The following HMGXB3 variants were observed in gnomAD, a reference collection of about 807,000 sequenced individuals.
HMGXB3 encodes the protein HMG domain-containing protein 3.
Under a neutral mutation model 121.5 loss-of-function variants are expected in HMGXB3, and 45 were observed. That is an observed-to-expected ratio of 0.37 (90% CI 0.29 to 0.47). The LOEUF (loss-of-function observed/expected upper bound fraction) is 0.47, where lower values mean the gene tolerates loss of function less well. Ranked by LOEUF, HMGXB3 falls within the 20% of genes least tolerant of loss-of-function variation. The probability of loss-of-function intolerance (pLI) is 0.99; values close to 1 mark genes in which losing one functional copy is unlikely to be tolerated. For synonymous variants in HMGXB3, 590 were observed against 624.1 expected (o/e 0.95, Z 0.81); for missense variants, 1,376 against 1,602.2 (o/e 0.86, Z 2.41).
Position 150,032,508 on chromosome 5 carries a change from A to G in HMGXB3, c.1888A>G (p.Ser630Gly). 6.4e-7 allele frequency: 1 copy of G among 1,551,914 alleles called. No homozygotes were observed. The highest frequency in any genetic ancestry group is 8.7e-7 in the Non-Finnish European group (1 of 1,147,024). The change falls in exon 11 of 20, where the codon AGC becomes GGC. Residue 630 changes from serine to glycine, a missense_variant. Ser to Gly is a moderately conservative substitution (Grantham distance 56). Transcript: ENST00000502717. ...GRGKCKNPSC[S>G]YVYTNRHKPR... ...GGGAAAGTGCAAGAATCCCTCTTGT[A>G]GCTATGTCTACACCAACAGGCACAA...
chr5:150,041,723 C>T, intron 14 of HMGXB3, 62 bp from the exon 15 acceptor site: 1 of 1,268,020 alleles, frequency 7.9e-7, no homozygotes, highest in Non-Finnish European at 1.1e-6. Context: ...CCCACTGGCT[C>T]ATCCCTAGTG....
intron 7 of HMGXB3, 89 bp downstream of exon 7, chr5:150,024,769 A>T: frequency 9.1e-7 from 1 of 1,099,372 alleles, no homozygotes; most frequent in Non-Finnish European, 1.3e-6. Context: ...TGAGAGAGGC[A>T]GCAGAGACCA....
At position 150,006,706 on chromosome 5, in the gene HMGXB3, A is replaced by G. The variant is rs141071867; in HGVS notation, c.312+59A>G. ...CTGGTTCAGTGATGAAGGCCTTGGG[A>G]AAACCAAGCCCCTTGTTCTGTTTCC... On this transcript the variant is annotated intron_variant, in intron 3 of 19. Transcript: ENST00000502717. 208 of 1,405,604 alleles carry G rather than the reference A, an allele frequency of 1.5e-4. 1 individual carries two copies. The African/African-American group carries it at 2.8e-3, about 19-fold the overall frequency. The allele number at this position is 1,405,604 out of a possible 1,614,324, so 87.1% of individuals were successfully genotyped here. A position where few individuals can be genotyped will look rare whatever the true frequency, so the allele number is the denominator to read the frequency against.
intron 5 of HMGXB3, among the ~76,000 whole-genome samples, chr5:150,016,332 C>T (rs556775852): frequency 1.7e-5 from 2 of 118,798 alleles, no homozygotes; most frequent in East Asian, 2.4e-4. Context: ...CAGAGTGAGA[C>T]TCTGTCTCAA....
chr5:150,044,347 G>A (rs1048210063), intron 15 of HMGXB3, among the ~76,000 whole-genome samples: 15 of 152,202 alleles, frequency 9.9e-5, no homozygotes, highest in African/African-American at 2.7e-4. Flanking sequence ...CTTGCTCCTT[G>A]TGGAGAGGAT....
intron 1 of HMGXB3, among the ~76,000 whole-genome samples, chr5:150,003,124 CAG>C (rs1262992709): frequency 1.3e-5 from 2 of 152,156 alleles, no homozygotes; most frequent in Admixed American, 1.3e-4. Context: ...GCCCAGGGGA[CAG>C]AGTGAGACCT....
intron 18 of HMGXB3, 53 bp downstream of exon 18, chr5:150,048,738 C>T: frequency 2.4e-6 from 3 of 1,268,340 alleles, no homozygotes; most frequent in Non-Finnish European, 3.4e-6. Context: ...GTTGAACTTC[C>T]CATACAGGGA....
At position 150,051,923 on chromosome 5, in the gene HMGXB3, C is replaced by G; in HGVS notation, c.3610C>G (p.Leu1204Val). The change falls in exon 20 of 20, where the codon CTG becomes GTG. Residue 1204 changes from leucine to valine, a missense_variant. By Grantham distance (32) the Leu-to-Val change is conservative. Around this residue, in one of 2 missense-constraint regions of HMGXB3, gnomAD observed 260 missense variants for 233.2 expected, o/e 1.11. Transcript: ENST00000502717. ...CPELAPYATI[L>V]ASIVDSKPNG... Reference sequence around the variant, plus strand: ...TGAATTGGCACCTTACGCAACCATCCTGGCCTCCATCGTGGACAGCAAACC... The same window carrying G: ...TGAATTGGCACCTTACGCAACCATCGTGGCCTCCATCGTGGACAGCAAACC... 1 of 1,552,214 alleles carries G rather than the reference C, an allele frequency of 6.4e-7. No individual in the cohort carries two copies. The highest frequency in any genetic ancestry group is 8.7e-7 in the Non-Finnish European group (1 of 1,147,142).
intron 4 of HMGXB3, 72 bp downstream of exon 4, chr5:150,010,680 G>T: frequency 7.1e-7 from 1 of 1,400,678 alleles, no homozygotes; most frequent in Non-Finnish European, 9.6e-7. Flanking sequence ...ACCATACAGT[G>T]TGATTCCAGA....
At chr5:150,028,807 G>A (rs1251281637) in intron 9 of HMGXB3, among the ~76,000 whole-genome samples, 1 of 151,484 alleles carries the variant, frequency 6.6e-6, no homozygotes, top group African/African-American at 2.4e-5. Context: ...CTGGCCTTAA[G>A]CGATCCTCTT....
rs1413699815 is a variant in HMGXB3, at chr5:150,028,555, ATATATTTTTT to A, written c.1734+1440_1734+1449del. ...TGTGTGTGTGTGTATATATATATAT[ATATATTTTTT>A]TTTTTTTTTTTTTCCTCCAGAAACA... On this transcript the variant is annotated intron_variant, in intron 9 of 19. Coordinates refer to ENST00000502717, the MANE Select transcript of HMGXB3 (RefSeq NM_014983.3). 7.0e-3 allele frequency among the ~76,000 whole-genome samples: 400 copies of A among 57,132 alleles called. 5 individuals carry two copies. Among genetic ancestry groups the A allele is most frequent in the African/African-American group, 0.037 (384 of 10,260 alleles). The allele number at this position is 57,132 out of a possible 152,430, so 37.5% of individuals were successfully genotyped here.
chr5:150,010,501 G>C lies in HMGXB3; in HGVS notation c.703G>C (p.Val235Leu). ...CCACCAACCTTACCAGACAAGCCTGGTAATTGAAGAGACCTTGGTGAATGG... is the reference window on the plus strand; with the variant it reads ...CCACCAACCTTACCAGACAAGCCTGCTAATTGAAGAGACCTTGGTGAATGG... Reference protein sequence around the residue: ...ESHQPYQTSLVIEETLVNGSP... With the variant: ...ESHQPYQTSLLIEETLVNGSP... Residue 235 changes from valine to leucine, a missense_variant, in exon 4 of 20, where the codon GTA (valine) becomes CTA (leucine). This residue lies in a region of HMGXB3 where 1,116 missense variants were observed against 1,369.0 expected (regional missense o/e 0.82). Coordinates refer to ENST00000502717, the MANE Select transcript of HMGXB3 (RefSeq NM_014983.3). 6.4e-7 allele frequency: 1 copy of C among 1,551,682 alleles called. No individual in the cohort carries two copies.
intron 6 of HMGXB3, among the ~76,000 whole-genome samples, chr5:150,020,574 T>G (rs906170714): frequency 2.0e-5 from 3 of 151,968 alleles, no homozygotes; most frequent in African/African-American, 7.3e-5. Context: ...GTATGTGTGG[T>G]TTTTTTTCCA....
rs1045917166 is a variant in HMGXB3 at position 150,050,196 on chromosome 5, C to T, written c.3202-56C>T. ...GGAAGAAGCGAGTGAGAACTGTACACTCTCTGCAGACTGGCTTCCTAATTA... is the reference window on the plus strand; with the variant it reads ...GGAAGAAGCGAGTGAGAACTGTACATTCTCTGCAGACTGGCTTCCTAATTA... On this transcript the variant is annotated intron_variant, in intron 18 of 19. Transcript: ENST00000502717. 7 of 1,420,540 alleles carry T rather than the reference C, an allele frequency of 4.9e-6. No homozygotes were observed. In the Admixed American group the frequency reaches 1.4e-4, roughly 28 times the overall value. 88.0% of individuals were successfully genotyped at this position (1,420,540 alleles called of 1,614,324 possible). A position where few individuals can be genotyped will look rare whatever the true frequency, so the allele number is the denominator to read the frequency against.
chr5:150,004,780 T>C (rs552177189), intron 1 of HMGXB3, 71 bp from the exon 2 acceptor site: 51 of 1,058,046 alleles, frequency 4.8e-5, no homozygotes, highest in Non-Finnish European at 6.6e-5. Context: ...TAAGGGGTTA[T>C]TTGATCAGGA....
rs976794231 is a variant in HMGXB3 at position 150,036,820 on chromosome 5, T to C, written c.2168T>C (p.Leu723Ser). 3.9e-6 allele frequency: 6 copies of C among 1,551,634 alleles called. No homozygotes were observed. The highest frequency in any genetic ancestry group is 5.2e-6 in the Non-Finnish European group (6 of 1,147,008). ...IHELNSSRLI[L>S]SNVSEETVTI... ...GAACTCAACAGCTCTCGACTTATCT[T>C]GTCCAACGTGAGTGAGGAGACAGTC... The change falls in exon 12 of 20, where the codon TTG (leucine) becomes TCG (serine). Residue 723 changes from leucine (L) to serine (S), a missense_variant. Leu to Ser is a moderately radical substitution (Grantham distance 145). Transcript: ENST00000502717.
At position 150,052,300 on chromosome 5, in the gene HMGXB3, C is replaced by T. The variant is rs1047195103; in HGVS notation, c.*108C>T. Reference sequence around the variant, plus strand: ...CAGAAGTGGTCTCCTGTGGGGAGGGCCTCTGACTGCTGGGACTGACCAAAG... The same window carrying T: ...CAGAAGTGGTCTCCTGTGGGGAGGGTCTCTGACTGCTGGGACTGACCAAAG... On this transcript the variant is annotated 3_prime_UTR_variant, in exon 20 of 20. Coordinates refer to ENST00000502717, the MANE Select transcript of HMGXB3 (RefSeq NM_014983.3). 3.9e-5 allele frequency: 34 copies of T among 869,316 alleles called. No homozygotes were observed. Among genetic ancestry groups the T allele is most frequent in the Middle Eastern group, 3.5e-4 (1 of 2,878 alleles). The allele number at this position is 869,316 out of a possible 1,614,324, so 53.9% of individuals were successfully genotyped here.
At chr5:150,041,412 C>CACTG (rs1756631671) in intron 14 of HMGXB3, among the ~76,000 whole-genome samples, 1 of 152,248 alleles carries the variant, frequency 6.6e-6, no homozygotes, top group Non-Finnish European at 1.5e-5. Context: ...TTGGCTCTGC[C>CACTG]ACTGTTGCAG....
intron 18 of HMGXB3, 24 bp from the exon 19 acceptor site, chr5:150,050,228 C>T (rs148319598): frequency 4.6e-5 from 71 of 1,540,652 alleles, no homozygotes; most frequent in African/African-American, 4.1e-4. Context: ...ATTAACCCTG[C>T]GCCCCCCACC....
Sources: gnomAD v4.1 joint callset for allele counts (sites outside exome capture counted in the v4.1 genomes callset) on GRCh38, gnomAD v4.1.1 for gene constraint, gnomAD v4.1.1 regional missense constraint, MANE v1.5 for transcripts, NCBI Gene and HGNC (gene_info 2026-07-23, HGNC 2026-07-21) for gene names.